Variants in GPSM2 observed in about 807,000 individuals in gnomAD.
GPSM2 encodes G protein-signaling modulator 2.
Under a neutral mutation model 78.4 loss-of-function variants are expected in GPSM2, and 58 were observed. The ratio of observed to expected loss-of-function variants is 0.74; its 90% CI spans 0.60 to 0.92. GPSM2 has a LOEUF of 0.92. GPSM2 is among the 40% of genes least tolerant of loss of function. The pLI, the probability that GPSM2 is intolerant of heterozygous loss-of-function variation, is 0.00. For missense variants in GPSM2, 700 were observed against 815.5 expected (o/e 0.86, Z 1.73); for synonymous variants, 224 against 280.2 (o/e 0.80, Z 2.00).
chr1:108,900,156 A>G (rs1648672345), intron 7 of GPSM2, among the ~76,000 whole-genome samples: 1 of 152,110 alleles, frequency 6.6e-6, no homozygotes, highest in Non-Finnish European at 1.5e-5. Context: ...TTTTCCTCCC[A>G]ATAAGCAGGC....
rs544352463 is a variant in GPSM2, at chr1:108,933,465, CGTAA to C, written c.*3530_*3533del. 324 of 151,102 alleles carry C rather than the reference CGTAA, an allele frequency of 2.1e-3. 1 individual carries two copies. The highest frequency in any genetic ancestry group is 7.6e-3 in the African/African-American group (312 of 41,072). 9.4% of individuals were successfully genotyped at this position (151,102 alleles called of 1,614,324 possible). A position where few individuals can be genotyped will look rare whatever the true frequency, so the allele number is the denominator to read the frequency against. On this transcript the variant is annotated 3_prime_UTR_variant, in exon 15 of 15. Transcript: ENST00000264126. The stretch of plus-strand genomic sequence containing the variant: ...GCCTAAAATTACATTGTTACAGGCA[CGTAA>C]GTAACACTTCCTGGATCCAAAAATG...
intron 2 of GPSM2, among the ~76,000 whole-genome samples, chr1:108,894,775 A>T (rs1363724407): frequency 7.9e-5 from 12 of 152,146 alleles, no homozygotes; most frequent in Middle Eastern, 3.2e-3. Context: ...AGATACCTAG[A>T]TAGAAAACTT....
At chr1:108,891,779 A>G (rs1251157193) in intron 2 of GPSM2, among the ~76,000 whole-genome samples, 2 of 150,962 alleles carry the variant, frequency 1.3e-5, no homozygotes, top group African/African-American at 4.9e-5. Flanking sequence ...TGCTGGGATT[A>G]CAGGTATGAG....
At chr1:108,927,972 A>G (rs1429755083) in intron 14 of GPSM2, among the ~76,000 whole-genome samples, 1 of 152,194 alleles carries the variant, frequency 6.6e-6, no homozygotes, top group Non-Finnish European at 1.5e-5. Flanking sequence ...CTAAAGGGAA[A>G]AAAAAGGAAA....
chr1:108,912,939 T>C (rs1158721791), intron 10 of GPSM2, among the ~76,000 whole-genome samples: 1 of 151,350 alleles, frequency 6.6e-6, no homozygotes, highest in Non-Finnish European at 1.5e-5. Flanking sequence ...TGATGAACAG[T>C]ACACAAATAG....
At chr1:108,913,836 G>C (rs889850486) in intron 10 of GPSM2, among the ~76,000 whole-genome samples, 1 of 152,174 alleles carries the variant, frequency 6.6e-6, no homozygotes, top group Admixed American at 6.5e-5. Flanking sequence ...TTAAGGACTC[G>C]TTTACTTGTT....
At chr1:108,917,611 C>CACACACACATATATATATATAT (rs1312607573) in intron 11 of GPSM2, among the ~76,000 whole-genome samples, 1 of 22,728 alleles carries the variant, frequency 4.4e-5, no homozygotes, top group Non-Finnish European at 7.8e-5. Context: ...CACACACACA[C>CACACACACATATATATATATAT]ATATATATAT....
intron 9 of GPSM2, 104 bp downstream of exon 9, chr1:108,903,338 A>C (rs961470416): frequency 2.9e-6 from 2 of 696,244 alleles, no homozygotes; most frequent in African/African-American, 3.6e-5. Flanking sequence ...CTGAATAATA[A>C]ATTTGATTAT....
intron 10 of GPSM2, among the ~76,000 whole-genome samples, chr1:108,910,817 AG>A (rs1267173539): frequency 6.6e-6 from 1 of 151,532 alleles, no homozygotes; most frequent in Non-Finnish European, 1.5e-5. Context: ...GAGCCGAGAT[AG>A]CACCACTGCA....
At chr1:108,915,091 G>A (rs998914196) in intron 11 of GPSM2, among the ~76,000 whole-genome samples, 6 of 152,036 alleles carry the variant, frequency 3.9e-5, no homozygotes, top group South Asian at 4.2e-4. Flanking sequence ...ATAGGCTCTC[G>A]GCCGGGCACG....
chr1:108,914,438 C>A, intron 11 of GPSM2, 30 bp downstream of exon 11: 1 of 1,362,912 alleles, frequency 7.3e-7, no homozygotes, highest in Non-Finnish European at 1.0e-6. Context: ...TTTTAAATTT[C>A]ATGAACTATT....
chr1:108,919,133 G>A (rs1362805724), intron 12 of GPSM2, among the ~76,000 whole-genome samples: 8 of 151,798 alleles, frequency 5.3e-5, no homozygotes, highest in African/African-American at 1.7e-4. Flanking sequence ...TCAGCCTCCC[G>A]AGTAGCTGCG....
rs553174454 is a variant in GPSM2, at chr1:108,892,701, G to C, written c.57-4163G>C. Among the ~76,000 whole-genome samples, 117 of 152,266 alleles carry C rather than the reference G, an allele frequency of 7.7e-4. No homozygotes were observed. The Middle Eastern group carries it at 0.02, about 27-fold the overall frequency. ...AAGGAAGTAATTCTATTCTCTCATA[G>C]TGACAGAGAGGATATGAAATTACTT... On this transcript the variant is annotated intron_variant, in intron 2 of 14. Coordinates refer to ENST00000264126, the MANE Select transcript of GPSM2 (RefSeq NM_013296.5).
In GPSM2 at chr1:108,898,246, T is replaced by C. The variant is rs546624196; in HGVS notation, c.557+145T>C. Reference sequence around the variant, plus strand: ...AAAATCATCAATTCAGTTGCTTAAATGTTACAGTGTTATATTAGTAGTAAT... The same window carrying C: ...AAAATCATCAATTCAGTTGCTTAAACGTTACAGTGTTATATTAGTAGTAAT... On this transcript the variant is annotated intron_variant, in intron 5 of 14. Coordinates refer to ENST00000264126, the MANE Select transcript of GPSM2 (RefSeq NM_013296.5). The C allele has an allele frequency of 3.9e-5, 31 of 791,962 alleles. No homozygotes were observed. The East Asian group carries it at 8.0e-4, about 20-fold the overall frequency. The allele number at this position is 791,962 out of a possible 1,614,324, so 49.1% of individuals were successfully genotyped here.
chr1:108,896,818 C>T (rs1245321210), intron 2 of GPSM2, 46 bp from the exon 3 acceptor site: 4 of 1,349,460 alleles, frequency 3.0e-6, no homozygotes, highest in Non-Finnish European at 4.3e-6. Flanking sequence ...TACTGTGATG[C>T]AGCTGTAATG....
chr1:108,915,244 G>A (rs376166887), intron 11 of GPSM2, among the ~76,000 whole-genome samples: 20 of 150,306 alleles, frequency 1.3e-4, no homozygotes, highest in East Asian at 4.1e-4. Flanking sequence ...GGTGGTGTCC[G>A]CCTATAGTCC....
At chr1:108,892,878 T>A (rs1648070558) in intron 2 of GPSM2, among the ~76,000 whole-genome samples, 1 of 152,200 alleles carries the variant, frequency 6.6e-6, no homozygotes. Flanking sequence ...TGAATCTATC[T>A]AAGAATTAAT....
At chr1:108,901,657 A>G (rs566312060) in intron 7 of GPSM2, 133 bp from the exon 8 acceptor site, 1 of 742,816 alleles carries the variant, frequency 1.3e-6, no homozygotes, top group East Asian at 2.5e-5. Context: ...AAAGTACGGG[A>G]TATGAATATT....
In GPSM2 at chr1:108,923,954, G is replaced by T. The variant is rs1553216820; in HGVS notation, c.1601-46G>T. 1.4e-6 allele frequency: 2 copies of T among 1,424,116 alleles called. No individual in the cohort carries two copies. Among genetic ancestry groups the T allele is most frequent in the Non-Finnish European group, 9.9e-7 (1 of 1,009,160 alleles). 88.2% of individuals were successfully genotyped at this position (1,424,116 alleles called of 1,614,324 possible). A position where few individuals can be genotyped will look rare whatever the true frequency, so the allele number is the denominator to read the frequency against. On this transcript the variant is annotated intron_variant, in intron 13 of 14. Coordinates refer to ENST00000264126, the MANE Select transcript of GPSM2 (RefSeq NM_013296.5). Reference sequence around the variant, plus strand: ...ATGTGCCTAGGTTTTTTTGTTTTTTGTTTTTTGTTTTTTTTTAATCTTTGG... The same window carrying T: ...ATGTGCCTAGGTTTTTTTGTTTTTTTTTTTTTGTTTTTTTTTAATCTTTGG...
Sources: allele counts gnomAD v4.1 joint callset (sites outside exome capture counted in the v4.1 genomes callset), GRCh38; gene constraint gnomAD v4.1.1; transcripts MANE v1.5; gene names NCBI Gene and HGNC (gene_info 2026-07-23, HGNC 2026-07-21).